Variants in LINGO2 observed in about 807,000 individuals in gnomAD.
LINGO2 encodes the protein leucine rich repeat and Ig domain containing 2, also known as leucine-rich repeat and immunoglobulin-like domain-containing nogo receptor-interacting protein 2.
In LINGO2, 14 loss-of-function variants were observed where a neutral mutation model predicts 30.6. That is an observed-to-expected ratio of 0.46 (90% CI 0.30 to 0.72). The LOEUF (loss-of-function observed/expected upper bound fraction) is 0.72, where lower values mean the gene tolerates loss of function less well. Among genes scored for constraint, LINGO2 ranks in the 30% least tolerant of loss-of-function variants. The probability of loss-of-function intolerance (pLI) is 0.07; values close to 1 mark genes in which losing one functional copy is unlikely to be tolerated. For synonymous variants in LINGO2, 317 were observed against 288.5 expected (o/e 1.10, Z -1.00); for missense variants, 729 against 751.7 (o/e 0.97, Z 0.35).
At chr9:28,446,282 G>C (rs567545588) in intron 2 of LINGO2, among the ~76,000 whole-genome samples, 1 of 152,078 alleles carries the variant, frequency 6.6e-6, no homozygotes, top group Non-Finnish European at 1.5e-5. Flanking sequence ...TATTCATTTT[G>C]AATTGCACAT....
the LINGO2 span, among the ~76,000 whole-genome samples, chr9:29,101,226 A>G: frequency 1.3e-5 from 2 of 152,198 alleles, no homozygotes; most frequent in East Asian, 3.9e-4. Context: ...TACCACCGTT[A>G]GTGGAATTAA....
At chr9:27,965,517 G>A (rs866436948) in intron 5 of LINGO2, among the ~76,000 whole-genome samples, 12 of 151,440 alleles carry the variant, frequency 7.9e-5, no homozygotes, top group Admixed American at 3.3e-4. Flanking sequence ...CCAATGGACT[G>A]TATCTATCTG....
the LINGO2 span, among the ~76,000 whole-genome samples, chr9:28,887,527 C>G: frequency 2.0e-5 from 3 of 151,980 alleles, no homozygotes; most frequent in African/African-American, 7.2e-5. Context: ...AGGGCATGTT[C>G]AGGGTGACAT....
chr9:28,368,116 C>T (rs952175345), intron 3 of LINGO2, among the ~76,000 whole-genome samples: 1 of 152,078 alleles, frequency 6.6e-6, no homozygotes, highest in Non-Finnish European at 1.5e-5. Flanking sequence ...TATAATGTCT[C>T]ATCATTTTGA....
intron 5 of LINGO2, among the ~76,000 whole-genome samples, chr9:27,995,412 C>T (rs1416624526): frequency 6.6e-6 from 1 of 152,134 alleles, no homozygotes; most frequent in Non-Finnish European, 1.5e-5. Context: ...CTACCCAAAC[C>T]AGACAAAGAC....
intron 1 of LINGO2, among the ~76,000 whole-genome samples, chr9:28,601,558 GAGTGAGTGGC>G (rs1825477130): frequency 8.0e-5 from 4 of 49,910 alleles, no homozygotes; most frequent in Admixed American, 5.3e-4. Context: ...TGTGGCAATT[GAGTGAGTGGC>G]ACAATTAGCA....
intron 2 of LINGO2, among the ~76,000 whole-genome samples, chr9:28,382,563 C>T (rs1210756742): frequency 6.6e-6 from 1 of 152,100 alleles, no homozygotes; most frequent in Non-Finnish European, 1.5e-5. Flanking sequence ...TAGAGCAAAG[C>T]CTTGAATCTC....
At chr9:28,350,677 C>G (rs2134441691) in intron 3 of LINGO2, among the ~76,000 whole-genome samples, 1 of 152,002 alleles carries the variant, frequency 6.6e-6, no homozygotes, top group Admixed American at 6.6e-5. Flanking sequence ...ACTCTCCACC[C>G]CAAATCAACA....
intron 4 of LINGO2, among the ~76,000 whole-genome samples, chr9:28,074,295 C>T (rs1477785917): frequency 6.6e-6 from 1 of 152,088 alleles, no homozygotes; most frequent in Non-Finnish European, 1.5e-5. Flanking sequence ...GATAATTTAG[C>T]AGCTAATATC....
the LINGO2 span, among the ~76,000 whole-genome samples, chr9:28,792,172 T>C: frequency 6.6e-6 from 1 of 151,818 alleles, no homozygotes; most frequent in South Asian, 2.1e-4. Flanking sequence ...TTACTGTAAA[T>C]AAAGATGCTT....
intron 2 of LINGO2, among the ~76,000 whole-genome samples, chr9:28,433,947 C>CTATATATATATATATATATATAAATATA (rs1417650474): frequency 3.4e-4 from 21 of 61,106 alleles, no homozygotes; most frequent in African/African-American, 1.0e-3. Context: ...CTCTCTCTCT[C>CTATATATATATATATATATATAAATATA]TCTATATATA....
intron 2 of LINGO2, among the ~76,000 whole-genome samples, chr9:28,378,394 T>G: frequency 6.6e-6 from 1 of 152,156 alleles, no homozygotes; most frequent in East Asian, 1.9e-4. Context: ...TTGTGGTAAC[T>G]GGGATAGGAA....
the LINGO2 span, among the ~76,000 whole-genome samples, chr9:28,942,199 A>T: frequency 1.9e-3 from 290 of 152,226 alleles, 1 homozygote; most frequent in Non-Finnish European, 3.5e-3. Context: ...TATCATTTGG[A>T]CTCTTTTAGG....
At chr9:28,973,862 C>A in the LINGO2 span, among the ~76,000 whole-genome samples, 2 of 152,114 alleles carry the variant, frequency 1.3e-5, no homozygotes, top group Non-Finnish European at 2.9e-5. Flanking sequence ...GGGATTTCAT[C>A]AACATGAGAC....
At chr9:28,459,881 A>G (rs566180007) in intron 2 of LINGO2, among the ~76,000 whole-genome samples, 140 of 152,260 alleles carry the variant, frequency 9.2e-4, no homozygotes, top group African/African-American at 3.2e-3. Context: ...GTCTTCTGAG[A>G]TTGTATTAGA....
the LINGO2 span, among the ~76,000 whole-genome samples, chr9:29,195,801 C>T: frequency 2.6e-5 from 4 of 152,088 alleles, no homozygotes; most frequent in Admixed American, 6.6e-5. Context: ...ATATCAATTG[C>T]TTTGCAGTCC....
the LINGO2 span, among the ~76,000 whole-genome samples, chr9:28,905,735 T>C: frequency 0.15 from 23,402 of 152,030 alleles, 1,850 homozygotes; most frequent in South Asian, 0.2. Flanking sequence ...ATGGCTATCA[T>C]AGAAAACATT....
At chr9:29,049,709 A>G in the LINGO2 span, among the ~76,000 whole-genome samples, 2 of 152,172 alleles carry the variant, frequency 1.3e-5, no homozygotes, top group Non-Finnish European at 2.9e-5. Flanking sequence ...CAAACATTAC[A>G]TGTTCTCACT....
At chr9:28,343,557 G>A (rs1357495851) in intron 3 of LINGO2, among the ~76,000 whole-genome samples, 2 of 152,092 alleles carry the variant, frequency 1.3e-5, no homozygotes, top group Non-Finnish European at 2.9e-5. Context: ...GTACTCTTGG[G>A]ACTGAGATGA....
Sources: gnomAD v4.1 joint callset for allele counts (sites outside exome capture counted in the v4.1 genomes callset) on GRCh38, gnomAD v4.1.1 for gene constraint, MANE v1.5 for transcripts, NCBI Gene and HGNC (gene_info 2026-07-23, HGNC 2026-07-21) for gene names.